The following DLGAP2 variants were observed in gnomAD, a reference collection of about 807,000 sequenced individuals.
DLGAP2 encodes disks large-associated protein 2.
A neutral mutation model predicts 100.3 loss-of-function variants in DLGAP2; 26 were observed. The ratio of observed to expected loss-of-function variants is 0.26; its 90% CI spans 0.19 to 0.36. The LOEUF (loss-of-function observed/expected upper bound fraction) is 0.36, where lower values mean the gene tolerates loss of function less well. DLGAP2 is among the 10% of genes least tolerant of loss of function. DLGAP2 has a pLI of 1.00. For synonymous variants in DLGAP2, 886 were observed against 630.1 expected (o/e 1.41, Z -6.08); for missense variants, 1,858 against 1,453.2 (o/e 1.28, Z -4.53).
intron 1 of DLGAP2, among the ~76,000 whole-genome samples, chr8:819,977 A>G (rs1392607532): frequency 6.6e-6 from 1 of 152,204 alleles, no homozygotes; most frequent in Non-Finnish European, 1.5e-5. Context: ...AATTCACAAG[A>G]TTGTTCAATA....
chr8:1,430,852 C>T (rs1315373352), intron 3 of DLGAP2, among the ~76,000 whole-genome samples: 1 of 152,200 alleles, frequency 6.6e-6, no homozygotes, highest in Non-Finnish European at 1.5e-5. Context: ...AATGGCACGG[C>T]AGCGTCTTTG....
intron 1 of DLGAP2, among the ~76,000 whole-genome samples, chr8:778,885 G>A (rs538267949): frequency 5.9e-5 from 9 of 152,334 alleles, no homozygotes; most frequent in East Asian, 5.8e-4. Context: ...CGAGCTTCCC[G>A]GCTGCTTTGT....
intron 2 of DLGAP2, among the ~76,000 whole-genome samples, chr8:1,073,264 G>C (rs1013173507): frequency 6.6e-6 from 1 of 152,090 alleles, no homozygotes. Flanking sequence ...TCCAAAATCA[G>C]CTCTAAAGAA....
intron 3 of DLGAP2, among the ~76,000 whole-genome samples, chr8:1,418,324 A>G (rs1442576763): frequency 6.6e-6 from 1 of 152,248 alleles, no homozygotes; most frequent in African/African-American, 2.4e-5. Context: ...GATGGCCTCA[A>G]ACATGAAAAT....
chr8:989,710 C>A (rs1452860446), intron 2 of DLGAP2, among the ~76,000 whole-genome samples: 1 of 152,086 alleles, frequency 6.6e-6, no homozygotes, highest in Non-Finnish European at 1.5e-5. Flanking sequence ...TCTGAAACTG[C>A]AATTAGTTTA....
intron 3 of DLGAP2, among the ~76,000 whole-genome samples, chr8:1,483,063 C>T (rs1265704745): frequency 6.6e-6 from 1 of 152,142 alleles, no homozygotes; most frequent in African/African-American, 2.4e-5. Flanking sequence ...GCGCGCGCGG[C>T]CGGAGAGGCG....
At chr8:1,638,035 C>A (rs1319329354) in intron 8 of DLGAP2, among the ~76,000 whole-genome samples, 1 of 152,138 alleles carries the variant, frequency 6.6e-6, no homozygotes, top group Non-Finnish European at 1.5e-5. Flanking sequence ...GCAGGGCACC[C>A]GGCCTGGAGG....
At chr8:1,070,254 T>C (rs1803385560) in intron 2 of DLGAP2, among the ~76,000 whole-genome samples, 1 of 152,106 alleles carries the variant, frequency 6.6e-6, no homozygotes, top group South Asian at 2.1e-4. Context: ...AGGAGATCTT[T>C]TTTCATGGCG....
chr8:1,222,716 C>T (rs1798340656), intron 2 of DLGAP2, among the ~76,000 whole-genome samples: 1 of 152,030 alleles, frequency 6.6e-6, no homozygotes, highest in Non-Finnish European at 1.5e-5. Context: ...GGTTTATCTG[C>T]AGAAGTGCTC....
chr8:995,451 C>T (rs1020039225), intron 2 of DLGAP2, among the ~76,000 whole-genome samples: 1 of 152,318 alleles, frequency 6.6e-6, no homozygotes, highest in Non-Finnish European at 1.5e-5. Context: ...CAATCAAAAA[C>T]CAAGTCTCAT....
chr8:1,570,840 AG>A (rs1282859033), intron 6 of DLGAP2, among the ~76,000 whole-genome samples: 2 of 125,574 alleles, frequency 1.6e-5, no homozygotes, highest in African/African-American at 6.5e-5. Context: ...GAGAGGAGAG[AG>A]GGTGAACTGT....
intron 2 of DLGAP2, among the ~76,000 whole-genome samples, chr8:949,542 G>A (rs752169379): frequency 8.5e-5 from 13 of 152,184 alleles, no homozygotes; most frequent in Non-Finnish European, 1.5e-4. Flanking sequence ...TCGGGCCAGT[G>A]CCTGCCGGGG....
intron 3 of DLGAP2, among the ~76,000 whole-genome samples, chr8:1,281,974 T>G (rs1244005731): frequency 2.2e-5 from 2 of 90,712 alleles, no homozygotes; most frequent in African/African-American, 5.4e-5. Flanking sequence ...GGACATGGTG[T>G]AACCTGAACC....
chr8:1,118,105 C>T (rs1345850464), intron 2 of DLGAP2, among the ~76,000 whole-genome samples: 8 of 152,222 alleles, frequency 5.3e-5, no homozygotes, highest in Admixed American at 1.3e-4. Context: ...CATTGCATGT[C>T]AGTTGACAGA....
chr8:1,255,157 C>T (rs528734741), intron 2 of DLGAP2, among the ~76,000 whole-genome samples: 8 of 131,782 alleles, frequency 6.1e-5, no homozygotes, highest in South Asian at 5.4e-4. Context: ...TCCTCTCCTG[C>T]CCGGGTGCTG....
intron 2 of DLGAP2, among the ~76,000 whole-genome samples, chr8:1,203,947 A>C (rs1797936586): frequency 6.6e-6 from 1 of 152,154 alleles, no homozygotes; most frequent in South Asian, 2.1e-4. Context: ...GTGCATGTCA[A>C]GTGTCAAAAA....
At chr8:1,313,153 T>C (rs1163198217) in intron 3 of DLGAP2, among the ~76,000 whole-genome samples, 1 of 152,150 alleles carries the variant, frequency 6.6e-6, no homozygotes, top group Non-Finnish European at 1.5e-5. Context: ...TCTGTTTATA[T>C]AGACATAGAA....
chr8:757,292 C>T (rs1408805115), intron 1 of DLGAP2, among the ~76,000 whole-genome samples: 1 of 152,178 alleles, frequency 6.6e-6, no homozygotes, highest in Non-Finnish European at 1.5e-5. Context: ...ATGTAAAATA[C>T]CGCAATCCAG....
intron 3 of DLGAP2, among the ~76,000 whole-genome samples, chr8:1,331,037 CAGG>C (rs1801146967): frequency 1.3e-5 from 2 of 152,012 alleles, no homozygotes; most frequent in African/African-American, 4.8e-5. Flanking sequence ...CACCGCTTCA[CAGG>C]AGCGTGAAGA....
Sources: allele counts gnomAD v4.1 joint callset (sites outside exome capture counted in the v4.1 genomes callset), GRCh38; gene constraint gnomAD v4.1.1; transcripts MANE v1.5; gene names NCBI Gene and HGNC (gene_info 2026-07-23, HGNC 2026-07-21).